Variants in SLC9A9 observed in about 807,000 individuals in gnomAD.
The protein encoded by SLC9A9 is solute carrier family 9 member A9.
SLC9A9 carries 62 observed loss-of-function variants against 77.8 expected under a neutral mutation model. The ratio of observed to expected loss-of-function variants is 0.80; its 90% confidence interval spans 0.65 to 0.98. The LOEUF is 0.98. Ranked by LOEUF, SLC9A9 falls within the 50% of genes least tolerant of loss-of-function variation. The pLI is 0.00. For missense variants in SLC9A9, 775 were observed against 774.9 expected (o/e 1.00, Z 0.00); for synonymous variants, 320 against 283.5 (o/e 1.13, Z -1.29).
rs2008153874 is a variant in SLC9A9 at position 143,789,430 on chromosome 3, C to T, written c.533+5571G>A. On this transcript the variant is annotated intron_variant, in intron 4 of 15. Transcript: ENST00000316549. Reference sequence around the variant, plus strand: ...AAAAATTCTCTGCTTCCCTGAAATCCTTCTATGTACCATCTCAGGGTCACT... The same window carrying T: ...AAAAATTCTCTGCTTCCCTGAAATCTTTCTATGTACCATCTCAGGGTCACT... Among the ~76,000 whole-genome samples the T allele has an allele frequency of 2.6e-5, 4 of 152,270 alleles. 1 individual carries two copies. The South Asian group carries it at 8.3e-4, about 32-fold the overall frequency.
intron 4 of SLC9A9, among the ~76,000 whole-genome samples, chr3:143,701,606 A>G (rs1163099391): frequency 1.3e-5 from 2 of 152,156 alleles, no homozygotes; most frequent in African/African-American, 2.4e-5. Flanking sequence ...TTGAAAATAC[A>G]CAGTCAGAGG....
At chr3:143,449,065 A>C in intron 12 of SLC9A9, among the ~76,000 whole-genome samples, 1 of 8,984 alleles carries the variant, frequency 1.1e-4, no homozygotes, top group Non-Finnish European at 2.1e-4. Context: ...ATAATTATAT[A>C]AATATAATTA....
chr3:143,329,484 T>C (rs923519192), intron 14 of SLC9A9, among the ~76,000 whole-genome samples: 9 of 152,290 alleles, frequency 5.9e-5, no homozygotes, highest in South Asian at 2.1e-4. Context: ...TGATTTCCCA[T>C]TGAGTTCTTG....
chr3:143,690,195 A>G (rs1420053198), intron 5 of SLC9A9, among the ~76,000 whole-genome samples: 1 of 152,008 alleles, frequency 6.6e-6, no homozygotes, highest in Non-Finnish European at 1.5e-5. Context: ...ACTTTTGAGA[A>G]TATATGTTTT....
chr3:143,421,630 T>C (rs1376862049), intron 12 of SLC9A9, among the ~76,000 whole-genome samples: 1 of 152,128 alleles, frequency 6.6e-6, no homozygotes, highest in African/African-American at 2.4e-5. Context: ...AACTTCAAAC[T>C]ATAAAAACCC....
At chr3:143,298,723 T>C (rs1254710418) in intron 14 of SLC9A9, among the ~76,000 whole-genome samples, 1 of 152,188 alleles carries the variant, frequency 6.6e-6, no homozygotes, top group African/African-American at 2.4e-5. Context: ...ACAGGACCTT[T>C]CCCAAAGACA....
intron 1 of SLC9A9, among the ~76,000 whole-genome samples, chr3:143,833,695 C>A (rs1395465899): frequency 6.6e-6 from 1 of 152,176 alleles, no homozygotes; most frequent in East Asian, 1.9e-4. Context: ...TGGCAAGTGG[C>A]TGCTCAGCCA....
chr3:143,417,560 G>A (rs546178631), intron 12 of SLC9A9, among the ~76,000 whole-genome samples: 74 of 151,684 alleles, frequency 4.9e-4, no homozygotes, highest in African/African-American at 1.6e-3. Flanking sequence ...GAGGGAAAAA[G>A]GGATGGATGG....
chr3:143,521,934 T>C (rs114337317), intron 9 of SLC9A9, among the ~76,000 whole-genome samples: 346 of 152,244 alleles, frequency 2.3e-3, no homozygotes, highest in African/African-American at 7.8e-3. Context: ...CCTTGCAGAT[T>C]TTAGATTTTG....
chr3:143,710,717 G>C (rs986478508), intron 4 of SLC9A9, among the ~76,000 whole-genome samples: 2 of 152,196 alleles, frequency 1.3e-5, no homozygotes, highest in African/African-American at 4.8e-5. Flanking sequence ...ATTTTTTGCA[G>C]ATTCTCTGCT....
chr3:143,533,810 T>C (rs2036550398), intron 9 of SLC9A9, among the ~76,000 whole-genome samples: 1 of 152,232 alleles, frequency 6.6e-6, no homozygotes, highest in Non-Finnish European at 1.5e-5. Context: ...TATGAAAAGC[T>C]CTATGCACAT....
intron 6 of SLC9A9, among the ~76,000 whole-genome samples, chr3:143,639,586 A>G (rs959871167): frequency 6.6e-6 from 1 of 152,250 alleles, no homozygotes; most frequent in Non-Finnish European, 1.5e-5. Context: ...AGCTTTGTGT[A>G]GTACTGAGAG....
intron 9 of SLC9A9, among the ~76,000 whole-genome samples, chr3:143,507,139 G>C (rs1006716860): frequency 1.3e-5 from 2 of 151,876 alleles, no homozygotes; most frequent in African/African-American, 4.8e-5. Context: ...GGAAGGTACA[G>C]AGATACCCCA....
intron 9 of SLC9A9, chr3:143,518,220 G>A (rs2036235814): frequency 5.6e-6 from 9 of 1,596,996 alleles, no homozygotes; most frequent in Admixed American, 1.7e-5. Flanking sequence ...TTCACTTTGC[G>A]GGGGTCCATG....
chr3:143,294,103 A>C (rs2030140497), intron 14 of SLC9A9, among the ~76,000 whole-genome samples: 1 of 152,246 alleles, frequency 6.6e-6, no homozygotes, highest in African/African-American at 2.4e-5. Context: ...GTTGGATAAA[A>C]AAATCAATGG....
rs769624890 is a variant in SLC9A9, at chr3:143,398,360, A to AATTTC, written c.1470-16247_1470-16246insGAAAT. Among the ~76,000 whole-genome samples, 102 of 152,294 alleles carry AATTTC rather than the reference A, an allele frequency of 6.7e-4. 1 individual carries two copies. The highest frequency in any genetic ancestry group is 3.7e-3 in the Admixed American group (57 of 15,292). The stretch of plus-strand genomic sequence containing the variant: ...GACTTATTCCTGAGAGCAGAAAGAG[A>AATTTC]TGGGAACAAAAGCCTAAGGCCAACA... On this transcript the variant is annotated intron_variant, in intron 12 of 15. Transcript: ENST00000316549.
At chr3:143,665,044 A>T (rs1560020211) in intron 5 of SLC9A9, among the ~76,000 whole-genome samples, 2 of 152,230 alleles carry the variant, frequency 1.3e-5, no homozygotes, top group African/African-American at 2.4e-5. Flanking sequence ...TCTTCTCAGC[A>T]CCACATCACA....
chr3:143,371,760 A>T (rs185707274), intron 13 of SLC9A9, among the ~76,000 whole-genome samples: 7 of 152,328 alleles, frequency 4.6e-5, no homozygotes, highest in African/African-American at 1.4e-4. Flanking sequence ...CCAAATTGGA[A>T]AAGAAGAAGT....
intron 4 of SLC9A9, among the ~76,000 whole-genome samples, chr3:143,776,783 T>C (rs2007705924): frequency 6.6e-6 from 1 of 152,228 alleles, no homozygotes; most frequent in African/African-American, 2.4e-5. Flanking sequence ...AAGCAATATT[T>C]TATTTCCCCT....
Sources: gnomAD v4.1 joint callset for allele counts (sites outside exome capture counted in the v4.1 genomes callset) on GRCh38, gnomAD v4.1.1 for gene constraint, MANE v1.5 for transcripts, NCBI Gene and HGNC (gene_info 2026-07-23, HGNC 2026-07-21) for gene names.